Variants in PTPRD observed in about 807,000 individuals in gnomAD.
PTPRD encodes receptor-type tyrosine-protein phosphatase delta.
PTPRD carries 34 observed loss-of-function variants against 214.5 expected under a neutral mutation model. The ratio of observed to expected loss-of-function variants is 0.16; its 90% confidence interval spans 0.12 to 0.21. The LOEUF (loss-of-function observed/expected upper bound fraction) is 0.21, where lower values mean the gene tolerates loss of function less well. PTPRD is among the 10% of genes least tolerant of loss of function. The pLI is 1.00. For missense variants in PTPRD, 2,545 were observed against 2,398.7 expected (o/e 1.06, Z -1.27); for synonymous variants, 1,128 against 845.7 (o/e 1.33, Z -5.79).
At chr9:10,233,513 GA>G (rs897581027) in intron 3 of PTPRD, among the ~76,000 whole-genome samples, 20 of 150,936 alleles carry the variant, frequency 1.3e-4, no homozygotes, top group Non-Finnish European at 3.0e-4. Context: ...TCATCCATTT[GA>G]AAAAAAATCA....
intron 2 of PTPRD, among the ~76,000 whole-genome samples, chr9:10,351,761 C>T (rs1222315661): frequency 2.7e-5 from 4 of 150,554 alleles, no homozygotes; most frequent in Non-Finnish European, 5.9e-5. Context: ...TCTTAATTTC[C>T]TAAGCTTTTT....
chr9:9,101,813 T>C (rs1485602442), intron 10 of PTPRD, among the ~76,000 whole-genome samples: 1 of 152,214 alleles, frequency 6.6e-6, no homozygotes, highest in African/African-American at 2.4e-5. Flanking sequence ...GAGAAAATTA[T>C]TCCTTAATCA....
chr9:9,942,397 C>A (rs1295911109), intron 4 of PTPRD, among the ~76,000 whole-genome samples: 1 of 152,072 alleles, frequency 6.6e-6, no homozygotes, highest in Non-Finnish European at 1.5e-5. Flanking sequence ...TTAACCAGCA[C>A]TCTCCCCAAA....
chr9:9,144,835 T>A (rs1457267404), intron 10 of PTPRD, among the ~76,000 whole-genome samples: 1 of 152,148 alleles, frequency 6.6e-6, no homozygotes, highest in Non-Finnish European at 1.5e-5. Context: ...AATGGCAATT[T>A]GGCATACCGC....
At chr9:10,204,203 G>T (rs1206721816) in intron 3 of PTPRD, among the ~76,000 whole-genome samples, 1 of 151,848 alleles carries the variant, frequency 6.6e-6, no homozygotes, top group African/African-American at 2.4e-5. Flanking sequence ...CCATTTTTCA[G>T]TGTGTACAGC....
chr9:9,221,398 T>C (rs574784522), intron 9 of PTPRD, among the ~76,000 whole-genome samples: 14 of 152,172 alleles, frequency 9.2e-5, no homozygotes, highest in Admixed American at 2.6e-4. Flanking sequence ...AACAATAACA[T>C]CTGTATTAGT....
chr9:8,905,362 G>A (rs895000132), intron 11 of PTPRD, among the ~76,000 whole-genome samples: 16 of 151,774 alleles, frequency 1.1e-4, no homozygotes, highest in African/African-American at 3.6e-4. Context: ...TTTTCTTTCT[G>A]TGTACATTAT....
chr9:10,100,870 A>G (rs2098545265), intron 3 of PTPRD, among the ~76,000 whole-genome samples: 1 of 151,510 alleles, frequency 6.6e-6, no homozygotes, highest in Non-Finnish European at 1.5e-5. Flanking sequence ...AATGAATCAA[A>G]TAATAATAAA....
intron 7 of PTPRD, among the ~76,000 whole-genome samples, chr9:9,650,309 T>C (rs1234334483): frequency 6.6e-6 from 1 of 152,200 alleles, no homozygotes; most frequent in Non-Finnish European, 1.5e-5. Context: ...CTTTATAAAT[T>C]ACCCAGTCTC....
chr9:9,199,941 T>G (rs2099940891), intron 9 of PTPRD, among the ~76,000 whole-genome samples: 1 of 152,314 alleles, frequency 6.6e-6, no homozygotes, highest in African/African-American at 2.4e-5. Context: ...AGCAAGTCTT[T>G]GAAACTTAGT....
chr9:10,246,931 T>A (rs1195712814), intron 3 of PTPRD, among the ~76,000 whole-genome samples: 1 of 151,298 alleles, frequency 6.6e-6, no homozygotes, highest in Non-Finnish European at 1.5e-5. Context: ...ATAAAATAAA[T>A]AAATAATAAA....
intron 3 of PTPRD, among the ~76,000 whole-genome samples, chr9:10,316,777 A>C (rs1187300287): frequency 1.3e-5 from 2 of 151,970 alleles, no homozygotes; most frequent in Non-Finnish European, 2.9e-5. Context: ...TTTTTAGATT[A>C]AGATTTTAGC....
chr9:9,293,420 T>C (rs1951887114), intron 9 of PTPRD, among the ~76,000 whole-genome samples: 1 of 150,948 alleles, frequency 6.6e-6, no homozygotes, highest in Admixed American at 6.6e-5. Context: ...TTCTTTTATG[T>C]CCTTAAATTT....
intron 10 of PTPRD, among the ~76,000 whole-genome samples, chr9:9,068,688 T>C (rs546535821): frequency 6.6e-6 from 1 of 152,268 alleles, no homozygotes; most frequent in Admixed American, 6.5e-5. Flanking sequence ...CTCAGCTCAC[T>C]GCAGTCTCCG....
chr9:9,559,675 T>C (rs1457952600), intron 8 of PTPRD, among the ~76,000 whole-genome samples: 1 of 152,182 alleles, frequency 6.6e-6, no homozygotes, highest in Non-Finnish European at 1.5e-5. Flanking sequence ...CCAGCAACAC[T>C]GCGAAAGTCC....
At chr9:9,953,827 C>G (rs192325722) in intron 4 of PTPRD, among the ~76,000 whole-genome samples, 1 of 152,136 alleles carries the variant, frequency 6.6e-6, no homozygotes, top group Non-Finnish European at 1.5e-5. Context: ...AGGGTTTTAT[C>G]GACATATGCT....
intron 8 of PTPRD, among the ~76,000 whole-genome samples, chr9:9,429,818 A>T (rs981126960): frequency 1.3e-5 from 2 of 152,106 alleles, no homozygotes; most frequent in African/African-American, 4.8e-5. Flanking sequence ...TAGTCTCAAT[A>T]GATGCAGAAA....
chr9:8,935,494 T>A (rs545452076), intron 11 of PTPRD, among the ~76,000 whole-genome samples: 1 of 152,240 alleles, frequency 6.6e-6, no homozygotes, highest in South Asian at 2.1e-4. Flanking sequence ...AAACAAGAGA[T>A]TCTTAAAATA....
rs1043089618 is a variant in PTPRD at position 8,316,554 on chromosome 9, C to CAACA, written c.*1316_*1319dup. ...AAACAACTCGATAGCTGATATATTA[C>CAACA]AACATTCTCCCCTCCTAAAGGGATA... On this transcript the variant is annotated 3_prime_UTR_variant, in exon 46 of 46. Coordinates refer to ENST00000381196, the MANE Select transcript of PTPRD (RefSeq NM_002839.4). 2 of 230,466 alleles carry CAACA rather than the reference C, an allele frequency of 8.7e-6. No homozygotes were observed. Among genetic ancestry groups the CAACA allele is most frequent in the African/African-American group, 2.2e-5 (1 of 44,930 alleles). 14.3% of individuals were successfully genotyped at this position (230,466 alleles called of 1,614,324 possible).
Sources: gnomAD v4.1 joint callset for allele counts (sites outside exome capture counted in the v4.1 genomes callset) on GRCh38, gnomAD v4.1.1 for gene constraint, MANE v1.5 for transcripts, NCBI Gene and HGNC (gene_info 2026-07-23, HGNC 2026-07-21) for gene names.